AGBL4: variants seen among roughly 807,000 people sequenced by gnomAD.
The protein encoded by AGBL4 is AGBL carboxypeptidase 4, also known as cytosolic carboxypeptidase 6.
Under a neutral mutation model 66.4 loss-of-function variants are expected in AGBL4, and 58 were observed. That is an observed-to-expected ratio of 0.87 (90% CI 0.71 to 1.09). The LOEUF (loss-of-function observed/expected upper bound fraction) is 1.09, where lower values mean the gene tolerates loss of function less well. Ranked by LOEUF, AGBL4 falls within the 50% of genes least tolerant of loss-of-function variation. The pLI is 0.00. For synonymous variants in AGBL4, 234 were observed against 222.9 expected, an observed-to-expected ratio of 1.05 and a Z score of -0.44; for missense variants, 579 against 631.0, an observed-to-expected ratio of 0.92 and a Z score of 0.88.
intron 3 of AGBL4, among the ~76,000 whole-genome samples, chr1:49,319,297 T>C (rs1645091821): frequency 1.3e-5 from 2 of 152,318 alleles, no homozygotes; most frequent in South Asian, 4.2e-4. Context: ...CCTGTTTCAC[T>C]ATCACACCAG....
intron 6 of AGBL4, among the ~76,000 whole-genome samples, chr1:48,697,337 C>G (rs1047403196): frequency 2.0e-5 from 3 of 152,164 alleles, no homozygotes; most frequent in Non-Finnish European, 1.5e-5. Flanking sequence ...TTTGTTCTTT[C>G]TACAGAAAGG....
intron 2 of AGBL4, among the ~76,000 whole-genome samples, chr1:49,753,708 TC>T (rs1323530575): frequency 3.9e-5 from 6 of 152,224 alleles, no homozygotes; most frequent in Admixed American, 3.3e-4. Context: ...GGTATGCCAA[TC>T]AAATGTAGGT....
intron 3 of AGBL4, among the ~76,000 whole-genome samples, chr1:49,280,266 C>T (rs149232071): frequency 1.1e-4 from 16 of 152,268 alleles, no homozygotes; most frequent in African/African-American, 3.6e-4. Context: ...AAAACCCCAG[C>T]CCCCATGTTC....
intron 5 of AGBL4, among the ~76,000 whole-genome samples, chr1:49,010,604 G>T (rs1403118801): frequency 7.3e-6 from 1 of 136,542 alleles, no homozygotes; most frequent in Admixed American, 7.6e-5. Context: ...AAAGCTGGAG[G>T]CATCACACTA....
intron 3 of AGBL4, among the ~76,000 whole-genome samples, chr1:49,507,241 G>T (rs1372803976): frequency 2.6e-5 from 4 of 151,940 alleles, no homozygotes. Flanking sequence ...TCAACCATTA[G>T]CTAGGACCAA....
chr1:48,646,597 A>G (rs890254522), intron 8 of AGBL4, among the ~76,000 whole-genome samples: 1 of 148,218 alleles, frequency 6.7e-6, no homozygotes, highest in African/African-American at 2.5e-5. Context: ...ACCCTCTGCT[A>G]TGGTTAATGA....
At chr1:50,004,653 T>C (rs532569596) in intron 1 of AGBL4, among the ~76,000 whole-genome samples, 4 of 152,066 alleles carry the variant, frequency 2.6e-5, no homozygotes, top group Non-Finnish European at 4.4e-5. Context: ...ATGACATTTC[T>C]AGATGTACCC....
At chr1:49,331,936 G>A (rs1645343995) in intron 3 of AGBL4, among the ~76,000 whole-genome samples, 1 of 152,198 alleles carries the variant, frequency 6.6e-6, no homozygotes, top group Non-Finnish European at 1.5e-5. Flanking sequence ...GTTCCGGCGG[G>A]GAGGAGGAGG....
intron 2 of AGBL4, chr1:49,845,117 C>A: frequency 6.9e-7 from 1 of 1,441,730 alleles, no homozygotes; most frequent in Non-Finnish European, 9.7e-7. Context: ...CACAGCTCAG[C>A]ACTTACCCAA....
intron 5 of AGBL4, among the ~76,000 whole-genome samples, chr1:48,877,300 G>A (rs1045446514): frequency 4.5e-4 from 68 of 152,204 alleles, no homozygotes; most frequent in African/African-American, 1.6e-3. Flanking sequence ...CTATTTATTT[G>A]ATTCAAGCTG....
intron 3 of AGBL4, among the ~76,000 whole-genome samples, chr1:49,596,447 A>G (rs898793448): frequency 6.6e-6 from 1 of 152,224 alleles, no homozygotes; most frequent in Non-Finnish European, 1.5e-5. Context: ...GTGGGATTAC[A>G]GCTGTGAGGC....
chr1:49,940,006 A>G (rs1415911913), intron 1 of AGBL4, among the ~76,000 whole-genome samples: 2 of 152,146 alleles, frequency 1.3e-5, no homozygotes, highest in African/African-American at 2.4e-5. Flanking sequence ...AATTTACAAG[A>G]AAAAAACAAA....
intron 4 of AGBL4, among the ~76,000 whole-genome samples, chr1:49,107,704 AG>A (rs1645323694): frequency 7.1e-6 from 1 of 140,300 alleles, no homozygotes; most frequent in Non-Finnish European, 1.6e-5. Flanking sequence ...TGAGAGAGAG[AG>A]AGAGAGAGAG....
intron 4 of AGBL4, among the ~76,000 whole-genome samples, chr1:49,228,191 G>A (rs1316144899): frequency 6.6e-6 from 1 of 152,054 alleles, no homozygotes; most frequent in African/African-American, 2.4e-5. Flanking sequence ...TTTATTAAAG[G>A]TCATACTATA....
chr1:49,353,899 C>T (rs868754848), intron 3 of AGBL4, among the ~76,000 whole-genome samples: 24 of 152,110 alleles, frequency 1.6e-4, no homozygotes, highest in South Asian at 6.2e-4. Flanking sequence ...CTTTCCAGCT[C>T]CCCAATCATC....
intron 5 of AGBL4, among the ~76,000 whole-genome samples, chr1:49,006,341 C>T (rs890476804): frequency 6.6e-5 from 10 of 152,280 alleles, no homozygotes; most frequent in African/African-American, 1.2e-4. Context: ...CGGCGCACCA[C>T]GAGATTATAT....
intron 4 of AGBL4, among the ~76,000 whole-genome samples, chr1:49,099,086 A>G (rs1645157330): frequency 6.6e-6 from 1 of 152,186 alleles, no homozygotes; most frequent in Non-Finnish European, 1.5e-5. Context: ...TACAAAGGAC[A>G]CAATGGTTCT....
intron 1 of AGBL4, among the ~76,000 whole-genome samples, chr1:49,901,025 A>G (rs1049453340): frequency 6.6e-6 from 1 of 152,214 alleles, no homozygotes; most frequent in Admixed American, 6.5e-5. Context: ...TTTACAAAGC[A>G]ATCTTTCTTT....
At chr1:49,774,051 T>G (rs1644134781) in intron 2 of AGBL4, among the ~76,000 whole-genome samples, 1 of 152,206 alleles carries the variant, frequency 6.6e-6, no homozygotes, top group African/African-American at 2.4e-5. Context: ...ACACTCCAGA[T>G]GTAGGTCCAG....
Sources: gnomAD v4.1 joint callset for allele counts (sites outside exome capture counted in the v4.1 genomes callset) on GRCh38, gnomAD v4.1.1 for gene constraint, MANE v1.5 for transcripts, NCBI Gene and HGNC (gene_info 2026-07-23, HGNC 2026-07-21) for gene names.